OVCH1: variants seen among roughly 807,000 people sequenced by gnomAD.
The protein encoded by OVCH1 is ovochymase-1.
A neutral mutation model predicts 138.4 loss-of-function variants in OVCH1; 139 were observed. The ratio of observed to expected loss-of-function variants is 1.00; its 90% CI spans 0.87 to 1.16. OVCH1 has a LOEUF of 1.16. Ranked by LOEUF, OVCH1 falls within the 50% of genes most tolerant of loss-of-function variation. The pLI is 0.00. For synonymous variants in OVCH1, 453 were observed against 467.8 expected (o/e 0.97, Z 0.41); for missense variants, 1,367 against 1,357.9 (o/e 1.01, Z -0.11).
intron 25 of OVCH1, chr12:29,440,650 T>C: frequency 2.2e-6 from 1 of 449,560 alleles, no homozygotes; most frequent in Non-Finnish European, 4.5e-6. Flanking sequence ...TACATCATTT[T>C]CATAGATACT....
At chr12:29,453,015 G>T (rs541804006) in intron 21 of OVCH1, among the ~76,000 whole-genome samples, 97 of 152,174 alleles carry the variant, frequency 6.4e-4, no homozygotes, top group African/African-American at 2.3e-3. Context: ...GTCTGAATAA[G>T]GTCATTCAAA....
chr12:29,429,936 G>C (rs1014729006), intron 27 of OVCH1, among the ~76,000 whole-genome samples: 2 of 152,114 alleles, frequency 1.3e-5, no homozygotes, highest in Non-Finnish European at 2.9e-5. Flanking sequence ...AATGACTTCT[G>C]TTTGGAAAAA....
Position 29,455,068 on chromosome 12 carries a change from G to A in OVCH1, c.2438-135C>T, listed in dbSNP as rs1272551859. 54 of 1,139,150 alleles carry A rather than the reference G, an allele frequency of 4.7e-5. No individual in the cohort carries two copies. In the East Asian group the frequency reaches 1.4e-3, roughly 29 times the overall value. 70.6% of individuals were successfully genotyped at this position (1,139,150 alleles called of 1,614,324 possible). On this transcript the variant is annotated intron_variant, in intron 20 of 27. Coordinates refer to ENST00000318184, the Ensembl canonical transcript of OVCH1. ...ATTAAAGCAGCCTAAGGAAAAGTCA[G>A]TTTAACTCTACACATGGGAGAACTT... is the stretch of plus-strand genomic sequence containing the variant.
chr12:29,421,687 T>G (rs1226998720), intron 3 of OVCH1, among the ~76,000 whole-genome samples: 1 of 152,136 alleles, frequency 6.6e-6, no homozygotes, highest in East Asian at 1.9e-4. Context: ...TAAGGAAAAT[T>G]TCCAGCACTG....
At chr12:29,461,826 T>C in intron 19 of OVCH1, 28 bp downstream of exon 19, 1 of 1,613,252 alleles carries the variant, frequency 6.2e-7, no homozygotes, top group East Asian at 2.2e-5. Flanking sequence ...ATTTTCCACC[T>C]TCCTGTATAA....
At chr12:29,446,269 AAGG>A (rs1276806323) in intron 22 of OVCH1, among the ~76,000 whole-genome samples, 1 of 152,122 alleles carries the variant, frequency 6.6e-6, no homozygotes, top group African/African-American at 2.4e-5. Flanking sequence ...GGATGAAAGG[AAGG>A]AGGAGATTAG....
downstream of OVCH1, among the ~76,000 whole-genome samples, chr12:29,411,034 G>A (rs11834890): frequency 1.8e-4 from 26 of 146,554 alleles, no homozygotes; most frequent in African/African-American, 5.2e-4. Context: ...TAAACTTCCC[G>A]TCTCACTTCA....
chr12:29,489,470 A>G, intron 6 of OVCH1, 150 bp downstream of exon 6: 1 of 912,986 alleles, frequency 1.1e-6, no homozygotes, highest in Non-Finnish European at 1.6e-6. Context: ...CAGGTCAAGT[A>G]CACTTTTTCA....
In OVCH1 at chr12:29,473,121, A is replaced by G. The variant is rs77898618; in HGVS notation, c.1601-18T>C. On this transcript the variant is annotated intron_variant, in intron 14 of 27. Transcript: ENST00000318184. ...TAAAGACTCTGTAGAAGAAAAAAAA[A>G]TTAATTGAAAGTAATTAGAGAAGTT... 6.5e-7 allele frequency: 1 copy of G among 1,549,950 alleles called. No homozygotes were observed. The highest frequency in any genetic ancestry group is 2.3e-5 in the East Asian group (1 of 43,722).
chr12:29,432,794 C>T (rs1941292687), intron 27 of OVCH1, among the ~76,000 whole-genome samples: 1 of 152,064 alleles, frequency 6.6e-6, no homozygotes, highest in Non-Finnish European at 1.5e-5. Flanking sequence ...GAAAAACCAG[C>T]CAAGACTCTG....
In OVCH1 at chr12:29,471,792, T is replaced by A; in HGVS notation, c.1856+10A>T. 1 of 1,602,180 alleles carries A rather than the reference T, an allele frequency of 6.2e-7. No individual in the cohort carries two copies. The highest frequency in any genetic ancestry group is 1.3e-5 in the African/African-American group (1 of 74,682). ...GCTAAATAGGTTGGTAAAATACCAG[T>A]TTCACTCACAATTGCACACAGTGGG... On this transcript the variant is annotated intron_variant, in intron 16 of 27. Coordinates refer to ENST00000318184, the Ensembl canonical transcript of OVCH1.
intron 26 of OVCH1, among the ~76,000 whole-genome samples, chr12:29,436,779 A>C (rs1941369268): frequency 6.6e-6 from 1 of 152,150 alleles, no homozygotes; most frequent in South Asian, 2.1e-4. Flanking sequence ...TTGTGGTCTC[A>C]CTGACTTCAG....
exon 26 of OVCH1, chr12:29,439,403 C>T: frequency 6.5e-7 from 1 of 1,547,384 alleles, no homozygotes; most frequent in East Asian, 2.3e-5. Context: ...TGTCTTTTGT[C>T]AGTATCATTG....
At chr12:29,440,830 A>G in intron 25 of OVCH1, 86 bp from the exon 26 acceptor site, 1 of 434,298 alleles carries the variant, frequency 2.3e-6, no homozygotes, top group South Asian at 1.6e-5. Context: ...GCAGTTTAGC[A>G]ATTGGATTTT....
At chr12:29,471,193 A>G (rs1408779237) in intron 16 of OVCH1, among the ~76,000 whole-genome samples, 1 of 152,212 alleles carries the variant, frequency 6.6e-6, no homozygotes, top group Non-Finnish European at 1.5e-5. Flanking sequence ...TAACATTAAT[A>G]TCTATTCTTT....
chr12:29,405,068 A>G, the OVCH1 span, among the ~76,000 whole-genome samples: 1 of 133,642 alleles, frequency 7.5e-6, no homozygotes, highest in Non-Finnish European at 1.6e-5. Flanking sequence ...AAAAGAAATG[A>G]TCATGTTTGT....
At chr12:29,485,268 A>G (rs574461272) in intron 8 of OVCH1, among the ~76,000 whole-genome samples, 13 of 144,422 alleles carry the variant, frequency 9.0e-5, no homozygotes, top group Admixed American at 5.0e-4. Context: ...CAGGAGGCAG[A>G]GTGCATGCCA....
chr12:29,443,378 G>C, exon 25 of OVCH1: 1 of 1,608,616 alleles, frequency 6.2e-7, no homozygotes, highest in East Asian at 2.2e-5. Flanking sequence ...TTTTTTTCCT[G>C]GTCCAAATCC....
chr12:29,483,090 CCCT>C (rs142830176), intron 8 of OVCH1, among the ~76,000 whole-genome samples: 3,083 of 152,282 alleles, frequency 0.02, 39 homozygotes, highest in African/African-American at 0.039. Flanking sequence ...CAAGACACTT[CCCT>C]CCTCCTCTTC....
Sources: gnomAD v4.1 joint callset for allele counts (sites outside exome capture counted in the v4.1 genomes callset) on GRCh38, gnomAD v4.1.1 for gene constraint, MANE v1.5 for transcripts, NCBI Gene and HGNC (gene_info 2026-07-23, HGNC 2026-07-21) for gene names.